SSH1: variants seen among roughly 807,000 people sequenced by gnomAD.
SSH1 encodes the protein slingshot protein phosphatase 1, also known as protein phosphatase Slingshot homolog 1.
A neutral mutation model predicts 79.7 loss-of-function variants in SSH1; 43 were observed. That is an observed-to-expected ratio of 0.54 (90% confidence interval 0.42 to 0.70). The LOEUF (loss-of-function observed/expected upper bound fraction) is 0.70. Among genes scored for constraint, SSH1 ranks in the 30% least tolerant of loss-of-function variants. SSH1 has a pLI of 0.00. For missense variants in SSH1, 1,206 were observed against 1,358.8 expected, an observed-to-expected ratio of 0.89 and a Z score of 1.77; for synonymous variants, 599 against 538.3, an observed-to-expected ratio of 1.11 and a Z score of -1.56.
In SSH1 at chr12:108,807,979, C is replaced by G; in HGVS notation, c.537-152G>C. ...GGGACAGAGTCTCGCTCTGTCACTC[C>G]CAGGCTAGAGTGCAGTGGCACGTTC... On this transcript the variant is annotated intron_variant, in intron 7 of 14. Transcript: ENST00000326495. This position sits in a 1 kb window ranked among gnomAD's most constrained non-coding sequence, Gnocchi z 5.2. 1.3e-6 allele frequency: 1 copy of G among 753,364 alleles called. No individual in the cohort carries two copies. The highest frequency in any genetic ancestry group is 2.2e-6 in the Non-Finnish European group (1 of 449,350). The allele number at this position is 753,364 out of a possible 1,614,324, so 46.7% of individuals were successfully genotyped here.
chr12:108,804,082 T>C (rs1373227628), intron 10 of SSH1, among the ~76,000 whole-genome samples: 1 of 152,146 alleles, frequency 6.6e-6, no homozygotes, highest in African/African-American at 2.4e-5. Flanking sequence ...TTTAATTTTA[T>C]TTTATTAAAA....
intron 13 of SSH1, among the ~76,000 whole-genome samples, chr12:108,798,484 G>C (rs1366553667): frequency 3.3e-5 from 5 of 152,210 alleles, no homozygotes; most frequent in Non-Finnish European, 7.3e-5. Flanking sequence ...GACTACAAGT[G>C]CATGTCCCAG....
chr12:108,826,859 C>T (rs2038329789), intron 2 of SSH1, among the ~76,000 whole-genome samples: 1 of 152,222 alleles, frequency 6.6e-6, no homozygotes, highest in African/African-American at 2.4e-5. Flanking sequence ...CACAAGCCAT[C>T]CATCCCAGCC....
At chr12:108,843,856 G>A (rs1444247639) in intron 2 of SSH1, among the ~76,000 whole-genome samples, 1 of 152,040 alleles carries the variant, frequency 6.6e-6, no homozygotes, top group Non-Finnish European at 1.5e-5. Context: ...TTTTTAAAAG[G>A]GGCTCTCCCA....
chr12:108,834,857 T>C (rs1335790171), intron 2 of SSH1, among the ~76,000 whole-genome samples: 1 of 152,228 alleles, frequency 6.6e-6, no homozygotes, highest in Non-Finnish European at 1.5e-5. Context: ...TAAGTGCTGG[T>C]AGATACACTG....
Position 108,835,350 on chromosome 12 carries a change from C to T in SSH1, c.111-11989G>A, listed in dbSNP as rs753348856. Among the ~76,000 whole-genome samples, 12 of 152,280 alleles carry T rather than the reference C, an allele frequency of 7.9e-5. No individual in the cohort carries two copies. In the South Asian group the frequency reaches 2.5e-3, roughly 32 times the overall value. The stretch of plus-strand genomic sequence containing the variant: ...CAGCTATTGGGAGGCACAAGAATCA[C>T]TCGAACCCAGGAGATGGAGGTTGCA... On this transcript the variant is annotated intron_variant, in intron 2 of 14. Coordinates refer to ENST00000326495, the MANE Select transcript of SSH1 (RefSeq NM_018984.4).
chr12:108,855,931 A>C (rs1314168742), intron 1 of SSH1, among the ~76,000 whole-genome samples: 1 of 152,168 alleles, frequency 6.6e-6, no homozygotes, highest in Non-Finnish European at 1.5e-5. Context: ...ATCCCAGCAA[A>C]ACAAGGCTGA....
intron 2 of SSH1, chr12:108,827,608 T>A: frequency 1.6e-6 from 2 of 1,216,906 alleles, no homozygotes; most frequent in Non-Finnish European, 2.1e-6. Context: ...ACAGCTGAGG[T>A]TCCTCTAATC....
At chr12:108,802,473 A>C in intron 10 of SSH1, 105 bp from the exon 11 acceptor site, 10 of 1,006,090 alleles carry the variant, frequency 9.9e-6, no homozygotes, top group Non-Finnish European at 1.4e-5. Context: ...GTCTTATTTC[A>C]TGGCCCCATT....
intron 2 of SSH1, among the ~76,000 whole-genome samples, chr12:108,844,049 T>C (rs982156675): frequency 6.6e-6 from 1 of 152,066 alleles, no homozygotes; most frequent in Non-Finnish European, 1.5e-5. Context: ...GCTGTTACCA[T>C]GAAGGAAGTA....
At position 108,857,569 on chromosome 12, in the gene SSH1, G is replaced by T. The variant is rs1317127925; in HGVS notation, c.-73C>A. On this transcript the variant is annotated 5_prime_UTR_variant, in exon 1 of 15. Transcript: ENST00000326495. The surrounding 1 kb of genome is among the most constrained non-coding windows in gnomAD (Gnocchi z 4.7). ...GCCACCGCCACCGCCGCCCGGGCCG[G>T]GCCCGGGGCCTCCTGGAGCCGCGCG... 4.4e-6 allele frequency: 4 copies of T among 911,128 alleles called. No individual in the cohort carries two copies. The African/African-American group carries it at 5.5e-5, about 13-fold the overall frequency. The allele number at this position is 911,128 out of a possible 1,614,324, so 56.4% of individuals were successfully genotyped here. A position where few individuals can be genotyped will look rare whatever the true frequency, so the allele number is the denominator to read the frequency against.
chr12:108,788,750 T>C lies in SSH1; in HGVS notation c.2388A>G (p.Glu796=), dbSNP rs2036374895. ...AKDLRLLFSN[E]SEKPTTNSYL... is the part of the protein sequence containing the mutation. ...AGCTGTTGGTTGTCGGCTTCTCAGA[T>C]TCATTACTGAACAGAAGCCTCAGGT... The change falls in exon 15 of 15, where the codon GAA becomes GAG. Residue 796 remains glutamate (E), a synonymous_variant. Transcript: ENST00000326495. The C allele has an allele frequency of 6.2e-7, 1 of 1,614,148 alleles. No homozygotes were observed. Among genetic ancestry groups the C allele is most frequent in the Admixed American group, 1.7e-5 (1 of 60,014 alleles).
chr12:108,819,983 G>C (rs1384242372), intron 3 of SSH1, among the ~76,000 whole-genome samples: 1 of 152,066 alleles, frequency 6.6e-6, no homozygotes, highest in Non-Finnish European at 1.5e-5. Context: ...AGAGGAATTG[G>C]GTCATTAGAA....
At position 108,786,436 on chromosome 12, in the gene SSH1, TC is replaced by T. The variant is rs1333077991; in HGVS notation, c.*1551del. ...AGGGCTTCACATTTACCCAGTTTCT[TC>T]CTACAGGGCCATGAGCAGCCCTGTG... is the stretch of plus-strand genomic sequence containing the variant. On this transcript the variant is annotated 3_prime_UTR_variant, in exon 15 of 15. Transcript: ENST00000326495. The T allele has an allele frequency of 5.9e-5, 9 of 152,216 alleles. No homozygotes were observed. The highest frequency in any genetic ancestry group is 1.0e-4 in the Non-Finnish European group (7 of 68,068). The allele number at this position is 152,216 out of a possible 1,614,324, so 9.4% of individuals were successfully genotyped here.
chr12:108,827,003 TAA>T (rs34956372), intron 2 of SSH1, among the ~76,000 whole-genome samples: 83 of 140,690 alleles, frequency 5.9e-4, no homozygotes, highest in East Asian at 5.4e-3. Context: ...TGATGAGGGA[TAA>T]AAAAAAAAAA....
intron 6 of SSH1, 99 bp from the exon 7 acceptor site, chr12:108,809,857 G>T: frequency 1.0e-6 from 1 of 995,010 alleles, no homozygotes; most frequent in Non-Finnish European, 1.6e-6. Context: ...TGCGCACGCT[G>T]GGAACAAGCA....
chr12:108,811,653 C>T (rs994553872), intron 5 of SSH1: 2 of 414,642 alleles, frequency 4.8e-6, no homozygotes, highest in African/African-American at 2.0e-5. Flanking sequence ...AGGCAAGCAC[C>T]GGCAGCCAAG....
chr12:108,794,809 G>A (rs879604795), intron 13 of SSH1, among the ~76,000 whole-genome samples: 6 of 151,854 alleles, frequency 4.0e-5, no homozygotes, highest in South Asian at 2.1e-4. Flanking sequence ...AAAGCTTTTC[G>A]GTTAAAATTC....
At chr12:108,844,834 C>T (rs146662938) in intron 2 of SSH1, among the ~76,000 whole-genome samples, 117 of 152,292 alleles carry the variant, frequency 7.7e-4, no homozygotes, top group African/African-American at 2.7e-3. Context: ...TCAGGCCAGG[C>T]GTGGTGGCTC....
Sources: gnomAD v4.1 joint callset for allele counts (sites outside exome capture counted in the v4.1 genomes callset) on GRCh38, gnomAD v4.1.1 for gene constraint, Gnocchi (gnomAD v3.1) non-coding constraint, MANE v1.5 for transcripts, NCBI Gene and HGNC (gene_info 2026-07-23, HGNC 2026-07-21) for gene names.